Variants in SDK1 observed in about 807,000 individuals in gnomAD.
SDK1 encodes the protein protein sidekick-1.
A neutral mutation model predicts 245.5 loss-of-function variants in SDK1; 157 were observed. The observed-to-expected ratio is 0.64, with a 90% CI of 0.56 to 0.73. SDK1 has a LOEUF of 0.73. Among genes scored for constraint, SDK1 ranks in the 30% least tolerant of loss-of-function variants. SDK1 has a pLI of 0.00. For missense variants in SDK1, 3,583 were observed against 3,002.3 expected, an observed-to-expected ratio of 1.19 and a Z score of -4.52; for synonymous variants, 1,647 against 1,278.5, an observed-to-expected ratio of 1.29 and a Z score of -6.15.
intron 1 of SDK1, among the ~76,000 whole-genome samples, chr7:3,509,732 T>C (rs995881737): frequency 6.6e-6 from 1 of 152,182 alleles, no homozygotes; most frequent in African/African-American, 2.4e-5. Context: ...CAGCCAGACA[T>C]GGGTGTTTTC....
chr7:4,112,190 G>T (rs1783393284), intron 23 of SDK1, among the ~76,000 whole-genome samples: 1 of 152,128 alleles, frequency 6.6e-6, no homozygotes, highest in African/African-American at 2.4e-5. Context: ...GTTCAGTCTG[G>T]AAAGGCAGGA....
At chr7:3,748,564 A>G (rs1039773773) in intron 4 of SDK1, among the ~76,000 whole-genome samples, 10 of 152,334 alleles carry the variant, frequency 6.6e-5, no homozygotes, top group Admixed American at 1.3e-4. Flanking sequence ...GTTGAAATAC[A>G]CTATTCAGTC....
At chr7:3,835,554 C>T (rs188058575) in intron 5 of SDK1, among the ~76,000 whole-genome samples, 2 of 152,286 alleles carry the variant, frequency 1.3e-5, no homozygotes, top group South Asian at 2.1e-4. Flanking sequence ...AGGAAGTCCT[C>T]TCACCCCCCT....
chr7:3,690,389 T>C (rs1784409964), intron 4 of SDK1, among the ~76,000 whole-genome samples: 2 of 152,320 alleles, frequency 1.3e-5, no homozygotes, highest in South Asian at 4.1e-4. Context: ...AGTATAATAA[T>C]TTACTTGAGA....
At chr7:4,210,755 T>A (rs994445907) in intron 38 of SDK1, among the ~76,000 whole-genome samples, 10 of 152,236 alleles carry the variant, frequency 6.6e-5, no homozygotes, top group African/African-American at 2.4e-4. Flanking sequence ...ACTGGCTTGT[T>A]TATCAGGTCC....
chr7:3,800,339 A>C (rs1779074985), intron 4 of SDK1, among the ~76,000 whole-genome samples: 1 of 151,818 alleles, frequency 6.6e-6, no homozygotes, highest in South Asian at 2.1e-4. Context: ...CAGCTACACT[A>C]ATCGCCATCT....
chr7:3,472,348 T>G (rs1038151504), intron 1 of SDK1, among the ~76,000 whole-genome samples: 87 of 152,214 alleles, frequency 5.7e-4, no homozygotes, highest in African/African-American at 1.9e-3. Context: ...GCTTCTGATA[T>G]ATGCCCAGTA....
At chr7:3,609,437 G>T (rs529891347) in intron 1 of SDK1, among the ~76,000 whole-genome samples, 4 of 152,176 alleles carry the variant, frequency 2.6e-5, no homozygotes, top group East Asian at 3.9e-4. Flanking sequence ...GTCTCACTCT[G>T]TTGCCCAGGC....
chr7:3,693,148 T>C lies in SDK1; in HGVS notation c.713+51043T>C, dbSNP rs79875777. On this transcript the variant is annotated intron_variant, in intron 4 of 44. Transcript: ENST00000404826. ...TTAACGATATTAATAATTTTTGTTT[T>C]TTTACAAATAAAATGTTGTATACTC... Among the ~76,000 whole-genome samples, 1,384 of 152,266 alleles carry C rather than the reference T, an allele frequency of 9.1e-3. 23 individuals carry two copies. The highest frequency in any genetic ancestry group is 0.031 in the African/African-American group (1,301 of 41,554).
intron 1 of SDK1, among the ~76,000 whole-genome samples, chr7:3,481,052 T>C (rs1022340574): frequency 6.6e-6 from 1 of 152,244 alleles, no homozygotes; most frequent in African/African-American, 2.4e-5. Flanking sequence ...ATCAGAGAAT[T>C]TCAAAGAGTT....
chr7:4,244,453 T>C (rs1479171677), intron 43 of SDK1, among the ~76,000 whole-genome samples: 1 of 152,180 alleles, frequency 6.6e-6, no homozygotes, highest in Non-Finnish European at 1.5e-5. Context: ...AATTCAGCAA[T>C]GTTGTACTCA....
intron 4 of SDK1, among the ~76,000 whole-genome samples, chr7:3,644,655 A>C (rs138515803): frequency 3.3e-5 from 5 of 149,296 alleles, no homozygotes; most frequent in Non-Finnish European, 7.4e-5. Context: ...ATTTCTAGCT[A>C]TTTGCTACTT....
At chr7:3,798,700 C>T (rs1304738343) in intron 4 of SDK1, among the ~76,000 whole-genome samples, 1 of 152,156 alleles carries the variant, frequency 6.6e-6, no homozygotes, top group East Asian at 1.9e-4. Context: ...CAGTATTGTT[C>T]CCTTTCCACA....
chr7:3,981,171 C>G (rs766224319), intron 13 of SDK1, among the ~76,000 whole-genome samples: 19 of 152,108 alleles, frequency 1.2e-4, no homozygotes, highest in Non-Finnish European at 2.2e-4. Context: ...AACTTTGTCA[C>G]TATGATTGTA....
chr7:3,414,900 G>A (rs117081986), intron 1 of SDK1, among the ~76,000 whole-genome samples: 1,956 of 152,262 alleles, frequency 0.013, 20 homozygotes, highest in Non-Finnish European at 0.021. Flanking sequence ...TGTAGCATGT[G>A]TCAGATCTCC....
intron 2 of SDK1, among the ~76,000 whole-genome samples, chr7:3,633,174 C>T (rs972295819): frequency 1.3e-5 from 2 of 151,920 alleles, no homozygotes; most frequent in Non-Finnish European, 2.9e-5. Flanking sequence ...TAGATATTTT[C>T]ATACCAGCAT....
chr7:4,141,642 G>T (rs561883299), intron 28 of SDK1, among the ~76,000 whole-genome samples: 1 of 152,342 alleles, frequency 6.6e-6, no homozygotes, highest in Admixed American at 6.5e-5. Flanking sequence ...CATAGGAAAG[G>T]CATGTTCCTG....
At chr7:4,010,527 T>C (rs1785861607) in intron 14 of SDK1, among the ~76,000 whole-genome samples, 1 of 152,222 alleles carries the variant, frequency 6.6e-6, no homozygotes, top group Non-Finnish European at 1.5e-5. Context: ...TTTATCATGC[T>C]CATTTCCTCT....
intron 1 of SDK1, among the ~76,000 whole-genome samples, chr7:3,521,007 G>GC (rs1276287229): frequency 6.6e-6 from 1 of 152,148 alleles, no homozygotes; most frequent in Non-Finnish European, 1.5e-5. Context: ...TGCTGGTAGG[G>GC]CTGTCTATGT....
Sources: allele counts gnomAD v4.1 joint callset (sites outside exome capture counted in the v4.1 genomes callset), GRCh38; gene constraint gnomAD v4.1.1; transcripts MANE v1.5; gene names NCBI Gene and HGNC (gene_info 2026-07-23, HGNC 2026-07-21).